The following USO1 variants were observed in gnomAD, a reference collection of about 807,000 sequenced individuals.
USO1 encodes general vesicular transport factor p115.
Under a neutral mutation model 124.5 loss-of-function variants are expected in USO1, and 57 were observed. The ratio of observed to expected loss-of-function variants is 0.46; its 90% CI spans 0.37 to 0.57. The LOEUF (loss-of-function observed/expected upper bound fraction) is 0.57, where lower values mean the gene tolerates loss of function less well. Ranked by LOEUF, USO1 falls within the 20% of genes least tolerant of loss-of-function variation. The pLI, the probability that USO1 is intolerant of heterozygous loss-of-function variation, is 0.00. For missense variants in USO1, 900 were observed against 1,040.6 expected (o/e 0.86, Z 1.86); for synonymous variants, 369 against 362.8 (o/e 1.02, Z -0.19).
At chr4:75,789,064 AT>A (rs1444574598) in intron 10 of USO1, among the ~76,000 whole-genome samples, 2 of 149,446 alleles carry the variant, frequency 1.3e-5, no homozygotes, top group African/African-American at 4.9e-5. Context: ...TTTTTTTTTT[AT>A]TGTAATCTTT....
chr4:75,773,239 ATTAAT>A (rs1490645472), intron 7 of USO1, among the ~76,000 whole-genome samples: 1 of 152,018 alleles, frequency 6.6e-6, no homozygotes, highest in Non-Finnish European at 1.5e-5. Flanking sequence ...ATTGGTTTTT[ATTAAT>A]TTTATGATCA....
chr4:75,758,840 T>G (rs1721515475), intron 4 of USO1, among the ~76,000 whole-genome samples: 1 of 152,236 alleles, frequency 6.6e-6, no homozygotes, highest in South Asian at 2.1e-4. Context: ...AAAAAGAGGT[T>G]GTCAGTCACG....
intron 1 of USO1, among the ~76,000 whole-genome samples, chr4:75,745,671 T>C (rs999725998): frequency 1.3e-5 from 2 of 152,100 alleles, no homozygotes; most frequent in Admixed American, 1.3e-4. Flanking sequence ...AGGCTGAGGT[T>C]GGTGGATCAC....
intron 4 of USO1, 50 bp from the exon 5 acceptor site, chr4:75,770,389 T>G: frequency 6.8e-7 from 1 of 1,465,480 alleles, no homozygotes; most frequent in Non-Finnish European, 9.1e-7. Context: ...AAAGGATATT[T>G]TAAAATAACC....
chr4:75,765,286 C>A (rs1182608412), intron 4 of USO1, among the ~76,000 whole-genome samples: 1 of 151,972 alleles, frequency 6.6e-6, no homozygotes, highest in African/African-American at 2.4e-5. Context: ...CCCAATGGGC[C>A]CTTTTTGTAT....
chr4:75,775,100 G>C (rs1035085344), intron 8 of USO1, among the ~76,000 whole-genome samples: 6 of 152,282 alleles, frequency 3.9e-5, no homozygotes, highest in Non-Finnish European at 7.4e-5. Context: ...TTGCAGATTT[G>C]GTGATAGGGA....
chr4:75,793,829 G>A lies in USO1; in HGVS notation c.1380G>A (p.Arg460=). The A allele has an allele frequency of 6.2e-7, 1 of 1,613,884 alleles. No individual in the cohort carries two copies. Among genetic ancestry groups the A allele is most frequent in the Non-Finnish European group, 8.5e-7 (1 of 1,179,868 alleles). Residue 460 remains arginine (R), a synonymous_variant, in exon 13 of 24, where the codon AGG becomes AGA. Transcript: ENST00000514213. The stretch of plus-strand genomic sequence containing the variant: ...CCACCCAGAAAGAACAGTTGCTCAG[G>A]GTTCAACTTGCTACAAGTATTGGCA... ...ENATQKEQLL[R]VQLATSIGNP...
chr4:75,735,819 A>AT (rs1244222577), intron 1 of USO1, among the ~76,000 whole-genome samples: 7 of 151,744 alleles, frequency 4.6e-5, no homozygotes, highest in Non-Finnish European at 8.8e-5. Context: ...GTAGTTTTTC[A>AT]TTTTCACATT....
At chr4:75,725,041 A>G (rs1230098837) in intron 1 of USO1, 156 bp downstream of exon 1, 11 of 784,240 alleles carry the variant, frequency 1.4e-5, no homozygotes, top group East Asian at 5.5e-5. Flanking sequence ...CTGAAATCCC[A>G]GAGTTATTCA....
Position 75,745,910 on chromosome 4 carries a change from T to TA in USO1, c.67-6453dup, listed in dbSNP as rs559260914. Among the ~76,000 whole-genome samples, 279 of 145,048 alleles carry TA rather than the reference T, an allele frequency of 1.9e-3. 2 individuals carry two copies. The highest frequency in any genetic ancestry group is 8.6e-3 in the East Asian group (43 of 5,026). Reference sequence around the variant, plus strand: ...GTGAGACTCCGTGTCAAATAAAAAATAAAAAAAAAACGAAAAAAACAGTTT... The same window carrying TA: ...GTGAGACTCCGTGTCAAATAAAAAATAAAAAAAAAAACGAAAAAAACAGTTT... On this transcript the variant is annotated intron_variant, in intron 1 of 23. Transcript: ENST00000514213.
chr4:75,752,375 T>G lies in USO1; in HGVS notation c.69T>G (p.Ile23Met), dbSNP rs2149154351. The G allele has an allele frequency of 7.5e-6, 3 of 398,360 alleles. No individual in the cohort carries two copies. The East Asian group carries it at 1.1e-4, about 14-fold the overall frequency. The allele number at this position is 398,360 out of a possible 1,614,324, so 24.7% of individuals were successfully genotyped here. ...AGPQHTEAET[I>M]QKLCDRVASS... ...GCCATTTTATTTTTTCATGACAGAT[T>G]CAAAAGCTTTGTGACAGAGTAGCTT... is the stretch of plus-strand genomic sequence containing the variant. Residue 23 changes from isoleucine (I) to methionine (M), a missense_variant and splice_region_variant, in exon 2 of 24, where the codon ATT (isoleucine) becomes ATG (methionine). Ile to Met is a conservative substitution (Grantham distance 10). Around this residue, in one of 2 missense-constraint regions of USO1, gnomAD observed 538 missense variants for 681.6 expected, o/e 0.79. Coordinates refer to ENST00000514213, the MANE Select transcript of USO1 (RefSeq NM_003715.4).
chr4:75,786,202 G>A (rs981486851), intron 9 of USO1, among the ~76,000 whole-genome samples: 1 of 152,056 alleles, frequency 6.6e-6, no homozygotes, highest in African/African-American at 2.4e-5. Context: ...CTTTCTTAGT[G>A]GAGTCAATCC....
At position 75,806,588 on chromosome 4, in the gene USO1, G is replaced by C. The variant is rs1203031554; in HGVS notation, c.2376+16G>C. On this transcript the variant is annotated intron_variant, in intron 20 of 23. Transcript: ENST00000514213. ...ATTAAAACAGGTAATTTTCCACTTT[G>C]ATCCAATTCTACTTTGTCATGTTTT... The C allele has an allele frequency of 6.5e-7, 1 of 1,549,908 alleles. No individual in the cohort carries two copies.
intron 1 of USO1, chr4:75,729,757 A>C (rs558508909): frequency 1.8e-5 from 3 of 164,446 alleles, no homozygotes; most frequent in African/African-American, 4.8e-5. Context: ...CGAGACATGA[A>C]AGTTGCTAAT....
At chr4:75,783,900 A>G (rs1197514245) in intron 9 of USO1, among the ~76,000 whole-genome samples, 1 of 152,180 alleles carries the variant, frequency 6.6e-6, no homozygotes, top group Non-Finnish European at 1.5e-5. Flanking sequence ...TGTACTCCCA[A>G]CTCATCATTT....
chr4:75,752,297 C>T (rs1560440598), intron 1 of USO1, 76 bp from the exon 2 acceptor site: 3 of 395,348 alleles, frequency 7.6e-6, no homozygotes, highest in Non-Finnish European at 8.9e-6. Context: ...TTTTTAATTA[C>T]ATGGCATAAA....
Position 75,799,606 on chromosome 4 carries a change from AAT to A in USO1, c.1453-15_1453-14del. 1 of 1,611,056 alleles carries A rather than the reference AAT, an allele frequency of 6.2e-7. No homozygotes were observed. The highest frequency in any genetic ancestry group is 8.5e-7 in the Non-Finnish European group (1 of 1,178,818). On this transcript the variant is annotated splice_polypyrimidine_tract_variant and intron_variant, in intron 13 of 23. Transcript: ENST00000514213. Reference sequence around the variant, plus strand: ...TAAAATGAATGGAAAGATTTCTACCAATTTATCTGTTGCAGGGAAGCAAAATA... The same window carrying A: ...TAAAATGAATGGAAAGATTTCTACCATTATCTGTTGCAGGGAAGCAAAATA...
chr4:75,738,895 C>T (rs1460044081), intron 1 of USO1, among the ~76,000 whole-genome samples: 1 of 151,976 alleles, frequency 6.6e-6, no homozygotes, highest in Non-Finnish European at 1.5e-5. Context: ...CCCTGTTGCC[C>T]AGGCTGGAGT....
intron 20 of USO1, among the ~76,000 whole-genome samples, chr4:75,808,483 T>C (rs1401723671): frequency 1.3e-5 from 2 of 152,144 alleles, no homozygotes; most frequent in Admixed American, 6.5e-5. Flanking sequence ...TGGTATCTAA[T>C]GATACCAGTT....
Sources: gnomAD v4.1 joint callset for allele counts (sites outside exome capture counted in the v4.1 genomes callset) on GRCh38, gnomAD v4.1.1 for gene constraint, gnomAD v4.1.1 regional missense constraint, MANE v1.5 for transcripts, NCBI Gene and HGNC (gene_info 2026-07-23, HGNC 2026-07-21) for gene names.